Variants in NXPH1 observed in about 807,000 individuals in gnomAD.
NXPH1 encodes the protein neurexophilin 1, also known as neurexophilin-1.
A neutral mutation model predicts 23.7 loss-of-function variants in NXPH1; 5 were observed. That is an observed-to-expected ratio of 0.21 (90% CI 0.11 to 0.44). NXPH1 has a LOEUF of 0.44. Among genes scored for constraint, NXPH1 ranks in the 20% least tolerant of loss-of-function variants. NXPH1 has a pLI of 0.99. For missense variants in NXPH1, 324 were observed against 321.6 expected (o/e 1.01, Z -0.06); for synonymous variants, 144 against 122.2 (o/e 1.18, Z -1.18).
intron 2 of NXPH1, among the ~76,000 whole-genome samples, chr7:8,583,195 G>A (rs1043508589): frequency 6.6e-6 from 1 of 152,176 alleles, no homozygotes; most frequent in Non-Finnish European, 1.5e-5. Flanking sequence ...TAAATTGTCT[G>A]CCAATCTGTA....
At chr7:8,501,085 A>G (rs970384471) in intron 2 of NXPH1, among the ~76,000 whole-genome samples, 3 of 152,104 alleles carry the variant, frequency 2.0e-5, no homozygotes, top group Admixed American at 6.6e-5. Context: ...TGGGATCTTC[A>G]GCATAGTTTT....
In NXPH1 at chr7:8,589,314, G is replaced by A. The variant is rs147702546; in HGVS notation, c.54+153547G>A. Among the ~76,000 whole-genome samples the A allele has an allele frequency of 8.8e-4, 134 of 152,216 alleles. 1 individual carries two copies. Among genetic ancestry groups the A allele is most frequent in the African/African-American group, 3.2e-3 (131 of 41,544 alleles). ...GGCCCGGTCACTTGCATCATATTAAGTCACAAGGTATAAGATTTTTGAGCA... is the reference window on the plus strand; with the variant it reads ...GGCCCGGTCACTTGCATCATATTAAATCACAAGGTATAAGATTTTTGAGCA... On this transcript the variant is annotated intron_variant, in intron 2 of 2. Coordinates refer to ENST00000405863, the MANE Select transcript of NXPH1 (RefSeq NM_152745.3).
intron 2 of NXPH1, among the ~76,000 whole-genome samples, chr7:8,464,383 C>T (rs1306690675): frequency 6.6e-6 from 1 of 152,166 alleles, no homozygotes; most frequent in Non-Finnish European, 1.5e-5. Flanking sequence ...TGATAGCCAT[C>T]TGCTGCTCAT....
intron 2 of NXPH1, among the ~76,000 whole-genome samples, chr7:8,632,945 A>G (rs896971643): frequency 6.6e-6 from 1 of 152,224 alleles, no homozygotes; most frequent in Non-Finnish European, 1.5e-5. Context: ...GTGCATTATT[A>G]CATCACTTCA....
At chr7:8,549,479 GA>G (rs1818246898) in intron 2 of NXPH1, among the ~76,000 whole-genome samples, 1 of 151,406 alleles carries the variant, frequency 6.6e-6, no homozygotes, top group African/African-American at 2.4e-5. Context: ...TAATAAAAGC[GA>G]AATATAAAAC....
chr7:8,532,490 T>G, intron 2 of NXPH1, among the ~76,000 whole-genome samples: 1 of 150,352 alleles, frequency 6.7e-6, no homozygotes, highest in African/African-American at 2.4e-5. Flanking sequence ...AGGGGGCTGC[T>G]TTTTACAGGG....
In NXPH1 at chr7:8,633,188, T is replaced by G. The variant is rs868379615; in HGVS notation, c.55-117820T>G. ...TGGCTCACGCCTGTAATCCCGTCAC[T>G]TTGGGAGGATGAGGCAGGTGGATTA... On this transcript the variant is annotated intron_variant, in intron 2 of 2. Coordinates refer to ENST00000405863, the MANE Select transcript of NXPH1 (RefSeq NM_152745.3). 2.6e-5 allele frequency among the ~76,000 whole-genome samples: 4 copies of G among 152,146 alleles called. 1 individual carries two copies. The South Asian group carries it at 8.3e-4, about 32-fold the overall frequency.
intron 2 of NXPH1, among the ~76,000 whole-genome samples, chr7:8,544,021 A>G (rs1818158931): frequency 6.6e-6 from 1 of 151,542 alleles, no homozygotes. Context: ...TTAATTAGAA[A>G]GAGAGCTACA....
intron 2 of NXPH1, among the ~76,000 whole-genome samples, chr7:8,511,826 T>TGGTG: frequency 6.6e-6 from 1 of 152,288 alleles, no homozygotes; most frequent in East Asian, 1.9e-4. Flanking sequence ...ATTTCAGTCC[T>TGGTG]GGTGCAGGCA....
intron 2 of NXPH1, among the ~76,000 whole-genome samples, chr7:8,637,000 A>G (rs1272573693): frequency 6.6e-6 from 1 of 152,110 alleles, no homozygotes; most frequent in East Asian, 1.9e-4. Context: ...TAAGCAGCCT[A>G]GCTTCATCTC....
At chr7:8,726,086 T>A (rs1361932026) in intron 2 of NXPH1, among the ~76,000 whole-genome samples, 1 of 152,172 alleles carries the variant, frequency 6.6e-6, no homozygotes, top group African/African-American at 2.4e-5. Context: ...CATTATTTCC[T>A]TAGGAATTTG....
At chr7:8,551,449 G>A (rs1055159348) in intron 2 of NXPH1, among the ~76,000 whole-genome samples, 3 of 151,466 alleles carry the variant, frequency 2.0e-5, no homozygotes, top group Admixed American at 6.6e-5. Flanking sequence ...TATGTGGAAA[G>A]ATTTAGGTGA....
intron 2 of NXPH1, among the ~76,000 whole-genome samples, chr7:8,734,371 C>G (rs747202326): frequency 2.0e-5 from 3 of 152,004 alleles, no homozygotes; most frequent in Non-Finnish European, 4.4e-5. Context: ...TTTTTTGGTT[C>G]TATATGAAAT....
chr7:8,532,999 G>A (rs1180490113), intron 2 of NXPH1, among the ~76,000 whole-genome samples: 1 of 151,956 alleles, frequency 6.6e-6, no homozygotes, highest in Non-Finnish European at 1.5e-5. Context: ...CTGTCTGAGG[G>A]GCACTGTTCT....
At chr7:8,531,302 G>C (rs1004867894) in intron 2 of NXPH1, among the ~76,000 whole-genome samples, 3 of 152,114 alleles carry the variant, frequency 2.0e-5, no homozygotes, top group Admixed American at 6.6e-5. Flanking sequence ...ACAAAAAAAG[G>C]GTATAGTGAA....
At chr7:8,734,374 T>C (rs1403363156) in intron 2 of NXPH1, among the ~76,000 whole-genome samples, 1 of 152,226 alleles carries the variant, frequency 6.6e-6, no homozygotes, top group African/African-American at 2.4e-5. Flanking sequence ...TTTGGTTCTA[T>C]ATGAAATTTA....
chr7:8,694,091 C>T (rs1048056152), intron 2 of NXPH1, among the ~76,000 whole-genome samples: 2 of 152,218 alleles, frequency 1.3e-5, no homozygotes, highest in Admixed American at 6.5e-5. Context: ...AATCCACTGG[C>T]AAGCCCTGAT....
chr7:8,751,136 G>T lies in NXPH1; in HGVS notation c.183G>T (p.Gln61His), dbSNP rs774325905. ...TGTCTATCAGCCGACTCCTGTCACA[G>T]ACTTTTCGTGGCAAAGAGAATGATA... The part of the protein sequence containing the change: ...KDLSISRLLS[Q>H]TFRGKENDTD... The change falls in exon 3 of 3, where the codon CAG becomes CAT. Residue 61 changes from glutamine to histidine, a missense_variant. Gln to His is a conservative substitution (Grantham distance 24). Coordinates refer to ENST00000405863, the MANE Select transcript of NXPH1 (RefSeq NM_152745.3). The surrounding 1 kb of genome is among the most constrained non-coding windows in gnomAD (Gnocchi z 4.5). The T allele has an allele frequency of 2.6e-5, 42 of 1,613,714 alleles. No individual in the cohort carries two copies. The Admixed American group carries it at 6.8e-4, about 26-fold the overall frequency.
intron 2 of NXPH1, among the ~76,000 whole-genome samples, chr7:8,566,115 T>G (rs74962574): frequency 0.011 from 1,595 of 151,854 alleles, 29 homozygotes; most frequent in African/African-American, 0.036. Context: ...GCTTACCAAG[T>G]AAGCACAGCA....
Sources: allele counts gnomAD v4.1 joint callset (sites outside exome capture counted in the v4.1 genomes callset), GRCh38; gene constraint gnomAD v4.1.1; non-coding constraint Gnocchi (gnomAD v3.1); transcripts MANE v1.5; gene names NCBI Gene and HGNC (gene_info 2026-07-23, HGNC 2026-07-21).